CDH23: variants seen among roughly 807,000 people sequenced by gnomAD.
CDH23 encodes the protein cadherin-23.
In CDH23, 189 loss-of-function variants were observed where a neutral mutation model predicts 317.1. The observed-to-expected ratio is 0.60, with a 90% CI of 0.53 to 0.67. CDH23 has a LOEUF of 0.67. Among genes scored for constraint, CDH23 ranks in the 30% least tolerant of loss-of-function variants. The probability of loss-of-function intolerance (pLI) is 0.00; values close to 1 mark genes in which losing one functional copy is unlikely to be tolerated. For synonymous variants in CDH23, 1,839 were observed against 1,876.8 expected (o/e 0.98, Z 0.52); for missense variants, 4,401 against 4,592.4 (o/e 0.96, Z 1.20).
At chr10:71,537,572 C>G (rs1306955735) in intron 6 of CDH23, among the ~76,000 whole-genome samples, 1 of 152,188 alleles carries the variant, frequency 6.6e-6, no homozygotes, top group Non-Finnish European at 1.5e-5. Flanking sequence ...ATATAAAGAG[C>G]CTTTCTCATT....
chr10:71,520,821 C>T (rs569239861), intron 6 of CDH23, among the ~76,000 whole-genome samples: 2 of 152,316 alleles, frequency 1.3e-5, no homozygotes, highest in East Asian at 3.9e-4. Flanking sequence ...TCCAAACAGC[C>T]TGGGGACAGG....
intron 38 of CDH23, among the ~76,000 whole-genome samples, chr10:71,766,908 G>C (rs969094042): frequency 6.6e-6 from 1 of 152,186 alleles, no homozygotes; most frequent in Admixed American, 6.5e-5. Context: ...TGAACTGACC[G>C]TGCATTGACC....
At chr10:71,586,898 T>C (rs1401652467) in intron 9 of CDH23, among the ~76,000 whole-genome samples, 3 of 152,240 alleles carry the variant, frequency 2.0e-5, no homozygotes, top group Non-Finnish European at 4.4e-5. Flanking sequence ...GTTTTTCATG[T>C]TTGCTATGCA....
chr10:71,501,122 C>T (rs908578258), intron 3 of CDH23, among the ~76,000 whole-genome samples: 2 of 152,198 alleles, frequency 1.3e-5, no homozygotes, highest in Non-Finnish European at 2.9e-5. Flanking sequence ...CCCACCTTGG[C>T]CTCCCAAAGT....
Position 71,682,518 on chromosome 10 carries a change from G to A in CDH23, c.1932G>A (p.Met644Ile). 3 of 1,613,662 alleles carry A rather than the reference G, an allele frequency of 1.9e-6. No individual in the cohort carries two copies. The highest frequency in any genetic ancestry group is 2.5e-6 in the Non-Finnish European group (3 of 1,179,746). The change falls in exon 18 of 70, where the codon ATG becomes ATA. Residue 644 changes from methionine to isoleucine, a missense_variant. Around this residue, in one of 3 missense-constraint regions of CDH23, gnomAD observed 3,068 missense variants for 3,203.3 expected, o/e 0.96. Transcript: ENST00000224721. The stretch of plus-strand genomic sequence containing the variant: ...TGATTTATCTGACGGTCATGGCCAT[G>A]GATGCTGGCAACCCCCCTCTCAACA... ...NGLIYLTVMA[M>I]DAGNPPLNST... is the part of the protein sequence containing the mutation.
chr10:71,544,622 C>T (rs1856170178), intron 6 of CDH23, among the ~76,000 whole-genome samples: 1 of 152,218 alleles, frequency 6.6e-6, no homozygotes, highest in Non-Finnish European at 1.5e-5. Context: ...ATACCTACAC[C>T]AGGCCCGGGG....
At chr10:71,566,063 G>A (rs4579857) in intron 6 of CDH23, among the ~76,000 whole-genome samples, 91,866 of 152,068 alleles carry the variant, frequency 0.6, 28,638 homozygotes, top group East Asian at 0.87. Context: ...AGGGGGAGAC[G>A]GGAATGGACC....
rs572002745 is a variant in CDH23 at position 71,541,181 on chromosome 10, T to C, written c.430-25561T>C. Among the ~76,000 whole-genome samples the C allele has an allele frequency of 2.0e-5, 3 of 152,232 alleles. No individual in the cohort carries two copies. In the East Asian group the frequency reaches 5.8e-4, roughly 29 times the overall value. On this transcript the variant is annotated intron_variant, in intron 6 of 69. Coordinates refer to ENST00000224721, the MANE Select transcript of CDH23 (RefSeq NM_022124.6). ...CCCTTCTCTCCCTAATAATCCCTCC[T>C]CTGGGGCGGTATTGATTCCCAGCCG...
intron 27 of CDH23, among the ~76,000 whole-genome samples, chr10:71,710,101 T>TTGTATTC (rs1269925269): frequency 4.6e-5 from 7 of 152,164 alleles, no homozygotes; most frequent in Admixed American, 1.3e-4. Flanking sequence ...ATTATGGGAA[T>TTGTATTC]ACAATTCAAG....
chr10:71,697,557 C>T (rs1343327017), intron 22 of CDH23, among the ~76,000 whole-genome samples: 1 of 151,974 alleles, frequency 6.6e-6, no homozygotes, highest in Non-Finnish European at 1.5e-5. Flanking sequence ...CCTGTGGTCC[C>T]AGATACTCAG....
rs764281943 is a variant in CDH23 at position 71,777,682 on chromosome 10, C to T, written c.4848C>T (p.Ala1616=). Residue 1616 remains alanine, a splice_region_variant and synonymous_variant, in exon 39 of 70, where the codon GCC becomes GCT. Coordinates refer to ENST00000224721, the MANE Select transcript of CDH23 (RefSeq NM_022124.6). Reference sequence around the variant, plus strand: ...ACGTGACCCACTCTTTTCCACAGGCCACCACGCACGTGTACGTGACCATTG... The same window carrying T: ...ACGTGACCCACTCTTTTCCACAGGCTACCACGCACGTGTACGTGACCATTG... ...VEDEGTPTLS[A]TTHVYVTIVD... is the part of the protein sequence containing the mutation. 6.2e-7 allele frequency: 1 copy of T among 1,609,116 alleles called. No homozygotes were observed. The highest frequency in any genetic ancestry group is 8.5e-7 in the Non-Finnish European group (1 of 1,178,018).
chr10:71,706,585 T>C lies in CDH23; in HGVS notation c.2954-312T>C, dbSNP rs116799297. Among the ~76,000 whole-genome samples the C allele has an allele frequency of 1.7e-3, 262 of 152,290 alleles. 1 individual carries two copies. Among genetic ancestry groups the C allele is most frequent in the African/African-American group, 5.9e-3 (246 of 41,554 alleles). On this transcript the variant is annotated intron_variant, in intron 25 of 69. Coordinates refer to ENST00000224721, the MANE Select transcript of CDH23 (RefSeq NM_022124.6). Reference sequence around the variant, plus strand: ...GTCATGATTGTCCGTGTTGCCATGGTCGTTGTTAGGTGCGTACTGGAGAGA... The same window carrying C: ...GTCATGATTGTCCGTGTTGCCATGGCCGTTGTTAGGTGCGTACTGGAGAGA...
At chr10:71,698,511 T>C (rs1427081639) in intron 22 of CDH23, among the ~76,000 whole-genome samples, 1 of 151,626 alleles carries the variant, frequency 6.6e-6, no homozygotes, top group Non-Finnish European at 1.5e-5. Flanking sequence ...ACCCCACCCT[T>C]CCCACACCCA....
intron 14 of CDH23, among the ~76,000 whole-genome samples, chr10:71,653,906 C>T (rs541799703): frequency 1.4e-4 from 22 of 152,264 alleles, no homozygotes; most frequent in African/African-American, 4.6e-4. Flanking sequence ...ATCTGGGAGT[C>T]GGTGGAACTT....
chr10:71,545,460 T>C (rs1856220968), intron 6 of CDH23, among the ~76,000 whole-genome samples: 1 of 152,224 alleles, frequency 6.6e-6, no homozygotes, highest in Non-Finnish European at 1.5e-5. Context: ...TTCTGTTTGC[T>C]CCATAAGGAG....
chr10:71,811,297 C>T lies in CDH23; in HGVS notation c.9078-18C>T. ...GAATGGCTGAGGAGGAGAGCTGAGA[C>T]CCCTGCCCCTCGCCCAGGGTGATCC... On this transcript the variant is annotated intron_variant, in intron 62 of 69. Transcript: ENST00000224721. The T allele has an allele frequency of 1.9e-6, 3 of 1,613,686 alleles. No homozygotes were observed. Among genetic ancestry groups the T allele is most frequent in the Non-Finnish European group, 2.5e-6 (3 of 1,179,832 alleles).
intron 3 of CDH23, among the ~76,000 whole-genome samples, chr10:71,503,498 G>C (rs1853458540): frequency 6.6e-6 from 1 of 152,172 alleles, no homozygotes; most frequent in Non-Finnish European, 1.5e-5. Flanking sequence ...GTTGTTAGCA[G>C]GATTCATTTA....
chr10:71,535,186 A>G lies in CDH23; in HGVS notation c.429+23974A>G, dbSNP rs573327561. Among the ~76,000 whole-genome samples the G allele has an allele frequency of 3.3e-5, 5 of 152,368 alleles. No individual in the cohort carries two copies. In the South Asian group the frequency reaches 1.0e-3, roughly 32 times the overall value. On this transcript the variant is annotated intron_variant, in intron 6 of 69. Coordinates refer to ENST00000224721, the MANE Select transcript of CDH23 (RefSeq NM_022124.6). ...AGCAGTAGGACTGAAGGAAGGGCAG[A>G]CTGGTTGGGAGCGGGTGGATGGTGC...
Position 71,810,086 on chromosome 10 carries a change from G to A in CDH23, c.8979+10G>A, listed in dbSNP as rs1189795138. 6.2e-7 allele frequency: 1 copy of A among 1,609,340 alleles called. No homozygotes were observed. The highest frequency in any genetic ancestry group is 8.5e-7 in the Non-Finnish European group (1 of 1,177,314). On this transcript the variant is annotated intron_variant, in intron 61 of 69. Transcript: ENST00000224721. Reference sequence around the variant, plus strand: ...TACTGACAATGTGCAGGTGCCTCATGGGCCCACCCGGGGCCGGGGCAGTGG... The same window carrying A: ...TACTGACAATGTGCAGGTGCCTCATAGGCCCACCCGGGGCCGGGGCAGTGG...
Sources: gnomAD v4.1 joint callset for allele counts (sites outside exome capture counted in the v4.1 genomes callset) on GRCh38, gnomAD v4.1.1 for gene constraint, gnomAD v4.1.1 regional missense constraint, MANE v1.5 for transcripts, NCBI Gene and HGNC (gene_info 2026-07-23, HGNC 2026-07-21) for gene names.